Variants in KXD1 observed in about 807,000 individuals in gnomAD.
KXD1 encodes kxDL motif-containing protein 1.
Under a neutral mutation model 12.1 loss-of-function variants are expected in KXD1, and 5 were observed. The observed-to-expected ratio is 0.41, with a 90% CI of 0.22 to 0.87. The LOEUF is 0.87. KXD1 is among the 40% of genes least tolerant of loss of function. The pLI, the probability that KXD1 is intolerant of heterozygous loss-of-function variation, is 0.31. For missense variants in KXD1, 193 were observed against 244.9 expected (o/e 0.79, Z 1.41); for synonymous variants, 98 against 100.5 (o/e 0.98, Z 0.15).
At chr19:18,562,335 A>T (rs1974956874) in intron 2 of KXD1, among the ~76,000 whole-genome samples, 178 bp downstream of exon 2, 4 of 152,224 alleles carry the variant, frequency 2.6e-5, no homozygotes, top group Admixed American at 2.6e-4. Context: ...TTGGCACAGG[A>T]AGCAGGGCTT....
In KXD1 at chr19:18,567,014, G is replaced by T. The variant is rs998077447; in HGVS notation, c.255-118G>T. The T allele has an allele frequency of 3.7e-6, 3 of 821,030 alleles. No homozygotes were observed. The African/African-American group carries it at 5.0e-5, about 14-fold the overall frequency. The allele number at this position is 821,030 out of a possible 1,614,324, so 50.9% of individuals were successfully genotyped here. ...GAAGATGTGAGGTGATGAACAGTGT[G>T]GGGGTTCTCACTCCCGTCTCCCCTT... is the stretch of plus-strand genomic sequence containing the variant. On this transcript the variant is annotated intron_variant, in intron 3 of 4. Coordinates refer to ENST00000222307, the MANE Select transcript of KXD1 (RefSeq NM_024069.4).
chr19:18,564,855 C>G lies in KXD1; in HGVS notation c.102-14C>G. The G allele has an allele frequency of 6.2e-7, 1 of 1,613,212 alleles. No individual in the cohort carries two copies. The highest frequency in any genetic ancestry group is 8.5e-7 in the Non-Finnish European group (1 of 1,179,948). Reference sequence around the variant, plus strand: ...AGCTGGGCAGTGAAGCTCATGCCCTCTCTCCACCATCAGGCTGGACCGCTT... The same window carrying G: ...AGCTGGGCAGTGAAGCTCATGCCCTGTCTCCACCATCAGGCTGGACCGCTT... On this transcript the variant is annotated splice_polypyrimidine_tract_variant and intron_variant, in intron 2 of 4. Transcript: ENST00000222307.
chr19:18,561,998 G>A, intron 1 of KXD1, 38 bp from the exon 2 acceptor site: 9 of 1,398,298 alleles, frequency 6.4e-6, no homozygotes, highest in Non-Finnish European at 8.9e-6. Context: ...ACCTCACCTG[G>A]TGACTAGTGC....
intron 3 of KXD1, among the ~76,000 whole-genome samples, chr19:18,566,620 G>A (rs1395451080): frequency 7.9e-5 from 12 of 151,558 alleles, no homozygotes; most frequent in Admixed American, 3.9e-4. Context: ...ATGAAATCCC[G>A]TCTCTACTAA....
chr19:18,563,468 C>G (rs571179242), intron 2 of KXD1, among the ~76,000 whole-genome samples: 10 of 151,970 alleles, frequency 6.6e-5, no homozygotes, highest in Non-Finnish European at 1.2e-4. Context: ...GCTTCAGCCT[C>G]CTGAGTCGCT....
Position 18,568,505 on chromosome 19 carries a change from C to T in KXD1, c.405C>T (p.Asp135=). Residue 135 remains aspartate, a synonymous_variant, in exon 5 of 5, where the codon GAC becomes GAT. Coordinates refer to ENST00000222307, the MANE Select transcript of KXD1 (RefSeq NM_024069.4). ...CAGAACAGAGCACGGGCTCATGTGA[C>T]ACCAGCCCCGACACCGTCTCGCCCT... ...ATSEQSTGSC[D]TSPDTVSPSL... is the part of the protein sequence containing the mutation. 1.2e-6 allele frequency: 2 copies of T among 1,614,116 alleles called. No homozygotes were observed. The highest frequency in any genetic ancestry group is 1.6e-4 in the Middle Eastern group (1 of 6,062).
At position 18,568,610 on chromosome 19, in the gene KXD1, C is replaced by T. The variant is rs977008763; in HGVS notation, c.510C>T (p.Asp170=). 3.0e-5 allele frequency: 48 copies of T among 1,611,560 alleles called. No homozygotes were observed. The highest frequency in any genetic ancestry group is 1.6e-4 in the Middle Eastern group (1 of 6,084). The part of the protein sequence containing the change: ...PAINGRSQTD[D]EEMTGE ...TCAACGGCCGCAGCCAGACAGATGA[C>T]GAGGAGATGACGGGCGAATAGCCCT... Residue 170 remains aspartate (D), a synonymous_variant, in exon 5 of 5, where the codon GAC becomes GAT. Transcript: ENST00000222307.
intron 1 of KXD1, chr19:18,560,642 A>T (rs1241926584): frequency 6.6e-6 from 1 of 152,148 alleles, no homozygotes; most frequent in African/African-American, 2.4e-5. Flanking sequence ...CCCCACAACA[A>T]CATTCTGGCA....
chr19:18,566,076 C>A (rs1338676092), intron 3 of KXD1, among the ~76,000 whole-genome samples: 2 of 152,180 alleles, frequency 1.3e-5, no homozygotes, highest in Non-Finnish European at 2.9e-5. Context: ...GATGATCCAT[C>A]CACCTCGACC....
At chr19:18,568,294 A>G in intron 4 of KXD1, 108 bp from the exon 5 acceptor site, 1 of 745,666 alleles carries the variant, frequency 1.3e-6, no homozygotes, top group Non-Finnish European at 2.3e-6. Flanking sequence ...GGGTCAAGTC[A>G]TACCCCCATG....
At chr19:18,561,208 G>C (rs1385940406) in intron 1 of KXD1, among the ~76,000 whole-genome samples, 1 of 152,062 alleles carries the variant, frequency 6.6e-6, no homozygotes, top group African/African-American at 2.4e-5. Context: ...TTTAAGAGCA[G>C]CCTAGGCAAC....
At chr19:18,566,225 C>A (rs746908005) in intron 3 of KXD1, among the ~76,000 whole-genome samples, 4 of 151,808 alleles carry the variant, frequency 2.6e-5, no homozygotes, top group Admixed American at 1.3e-4. Flanking sequence ...CCGAGGCAGG[C>A]GGATCACGAG....
Position 18,568,682 on chromosome 19 carries a change from G to A in KXD1, c.*51G>A. 1 of 1,413,802 alleles carries A rather than the reference G, an allele frequency of 7.1e-7. No individual in the cohort carries two copies. The highest frequency in any genetic ancestry group is 9.8e-7 in the Non-Finnish European group (1 of 1,019,746). The allele number at this position is 1,413,802 out of a possible 1,614,324, so 87.6% of individuals were successfully genotyped here. On this transcript the variant is annotated 3_prime_UTR_variant, in exon 5 of 5. Transcript: ENST00000222307. ...GTCTCAGGGCAGCAGCATACAAGGT[G>A]GCAGCGGGTAACCCTGCCTTGTTCT...
At chr19:18,567,565 T>A (rs1287483505) in intron 4 of KXD1, among the ~76,000 whole-genome samples, 3 of 152,134 alleles carry the variant, frequency 2.0e-5, no homozygotes, top group Non-Finnish European at 4.4e-5. Context: ...TTACCCACAG[T>A]CACCCATGGG....
chr19:18,565,266 G>A (rs1975156842), intron 3 of KXD1: 1 of 1,162,456 alleles, frequency 8.6e-7, no homozygotes, highest in Non-Finnish European at 1.1e-6. Context: ...GTCTCGCTCT[G>A]TTGCCCAGGC....
In KXD1 at chr19:18,564,967, C is replaced by G; in HGVS notation, c.200C>G (p.Thr67Arg). 6.2e-7 allele frequency: 1 copy of G among 1,612,136 alleles called. No homozygotes were observed. The highest frequency in any genetic ancestry group is 1.1e-5 in the South Asian group (1 of 91,076). Residue 67 changes from threonine (T) to arginine (R), a missense_variant, in exon 3 of 5, where the codon ACG becomes AGG. Thr to Arg is a moderately conservative substitution (Grantham distance 71). Coordinates refer to ENST00000222307, the MANE Select transcript of KXD1 (RefSeq NM_024069.4). ...ATGAGCGAACGCTTCCTGCACCACA[C>G]GAGGACCCTAGTAGAGATGAAACGG... ...QQMSERFLHHTRTLVEMKRDL... is the reference protein window; with the variant it reads ...QQMSERFLHHRRTLVEMKRDL...
In KXD1 at chr19:18,568,699, C is replaced by T. The variant is rs1975383093; in HGVS notation, c.*68C>T. Reference sequence around the variant, plus strand: ...TACAAGGTGGCAGCGGGTAACCCTGCCTTGTTCTGTCATCCAGGGCTCCTT... The same window carrying T: ...TACAAGGTGGCAGCGGGTAACCCTGTCTTGTTCTGTCATCCAGGGCTCCTT... On this transcript the variant is annotated 3_prime_UTR_variant, in exon 5 of 5. Coordinates refer to ENST00000222307, the MANE Select transcript of KXD1 (RefSeq NM_024069.4). 3 of 1,235,804 alleles carry T rather than the reference C, an allele frequency of 2.4e-6. No homozygotes were observed. The highest frequency in any genetic ancestry group is 2.0e-4 in the Middle Eastern group (1 of 4,922). 76.6% of individuals were successfully genotyped at this position (1,235,804 alleles called of 1,614,324 possible). A position where few individuals can be genotyped will look rare whatever the true frequency, so the allele number is the denominator to read the frequency against.
intron 4 of KXD1, among the ~76,000 whole-genome samples, chr19:18,568,025 T>G (rs1026735636): frequency 5.9e-5 from 9 of 152,072 alleles, no homozygotes; most frequent in African/African-American, 1.9e-4. Flanking sequence ...CCCAACACTT[T>G]GGGAGGCTGA....
chr19:18,565,475 A>G (rs1209936500), intron 3 of KXD1, among the ~76,000 whole-genome samples: 1 of 152,034 alleles, frequency 6.6e-6, no homozygotes, highest in Non-Finnish European at 1.5e-5. Flanking sequence ...CTCGTGATCC[A>G]GCCGCCTTGG....
Sources: allele counts gnomAD v4.1 joint callset (sites outside exome capture counted in the v4.1 genomes callset), GRCh38; gene constraint gnomAD v4.1.1; transcripts MANE v1.5; gene names NCBI Gene and HGNC (gene_info 2026-07-23, HGNC 2026-07-21).